Variants in SCARA5 observed in about 807,000 individuals in gnomAD.
The protein encoded by SCARA5 is scavenger receptor class A member 5.
In SCARA5, 45 loss-of-function variants were observed where a neutral mutation model predicts 46.3. The observed-to-expected ratio is 0.97, with a 90% CI of 0.76 to 1.24. The LOEUF (loss-of-function observed/expected upper bound fraction) is 1.24. Among genes scored for constraint, SCARA5 ranks in the 50% most tolerant of loss-of-function variants. The pLI is 0.00. For missense variants in SCARA5, 680 were observed against 689.0 expected (o/e 0.99, Z 0.15); for synonymous variants, 333 against 306.5 (o/e 1.09, Z -0.90).
intron 4 of SCARA5, 101 bp downstream of exon 4, chr8:27,921,470 G>C (rs1176985812): frequency 1.0e-6 from 1 of 968,688 alleles, no homozygotes; most frequent in Non-Finnish European, 1.5e-6. Context: ...CTTGGGGATG[G>C]GGTGGGGCTG....
At chr8:27,905,634 A>G (rs969765196) in intron 6 of SCARA5, among the ~76,000 whole-genome samples, 1 of 150,292 alleles carries the variant, frequency 6.7e-6, no homozygotes, top group Non-Finnish European at 1.5e-5. Flanking sequence ...AAAGAATAAG[A>G]GCTGGGGGAA....
At chr8:27,936,671 T>C (rs1414821592) in intron 3 of SCARA5, among the ~76,000 whole-genome samples, 1 of 146,028 alleles carries the variant, frequency 6.8e-6, no homozygotes, top group Non-Finnish European at 1.5e-5. Context: ...GCCCATCATC[T>C]GCAAATAAAC....
chr8:27,897,130 AG>A (rs1320435573), intron 7 of SCARA5, among the ~76,000 whole-genome samples: 7 of 151,620 alleles, frequency 4.6e-5, no homozygotes, highest in African/African-American at 1.7e-4. Context: ...ATCCAGCCCC[AG>A]GGGAAGTAAG....
In SCARA5 at chr8:27,912,492, T is replaced by C. The variant is rs114926427; in HGVS notation, c.917-2749A>G. Among the ~76,000 whole-genome samples, 1,204 of 152,306 alleles carry C rather than the reference T, an allele frequency of 7.9e-3. 18 individuals are homozygous for C. Among genetic ancestry groups the C allele is most frequent in the African/African-American group, 0.028 (1,148 of 41,568 alleles). On this transcript the variant is annotated intron_variant, in intron 4 of 8. Transcript: ENST00000354914. ...CCACATGATTGAGTTAGAGAACCTG[T>C]TGGAAACAGACCAAAGATGGCACAG...
intron 3 of SCARA5, among the ~76,000 whole-genome samples, chr8:27,925,007 A>T (rs1173864846): frequency 6.6e-6 from 1 of 152,250 alleles, no homozygotes; most frequent in Non-Finnish European, 1.5e-5. Context: ...CAAATGGAAG[A>T]ACATTCCATG....
intron 4 of SCARA5, among the ~76,000 whole-genome samples, chr8:27,916,793 T>C (rs2009809): frequency 0.55 from 83,442 of 152,014 alleles, 23,786 homozygotes; most frequent in Non-Finnish European, 0.63. Context: ...GCCCAAGCAC[T>C]GTCGAACTGT....
At chr8:27,989,129 C>CTTTTTTTTTTTTTTTTTTT (rs34929623) in intron 1 of SCARA5, among the ~76,000 whole-genome samples, 3 of 68,314 alleles carry the variant, frequency 4.4e-5, no homozygotes, top group African/African-American at 1.2e-4. Flanking sequence ...TTCTTTCTTT[C>CTTTTTTTTTTTTTTTTTTT]TTTTTTTTTT....
chr8:27,899,563 T>C (rs544797653), intron 7 of SCARA5, among the ~76,000 whole-genome samples: 2 of 152,314 alleles, frequency 1.3e-5, no homozygotes, highest in African/African-American at 4.8e-5. Flanking sequence ...GCATTGGTCA[T>C]GTGCAAAGGG....
intron 7 of SCARA5, 64 bp from the exon 8 acceptor site, chr8:27,879,830 T>G (rs1000071709): frequency 2.3e-5 from 35 of 1,517,622 alleles, no homozygotes; most frequent in African/African-American, 1.6e-4. Flanking sequence ...CCCAGGGGCC[T>G]TCTTTGACTC....
rs932531637 is a variant in SCARA5 at position 27,869,905 on chromosome 8, T to C, written c.*2029A>G. The C allele has an allele frequency of 6.6e-6, 1 of 152,228 alleles. No individual in the cohort carries two copies. The highest frequency in any genetic ancestry group is 2.4e-5 in the African/African-American group (1 of 41,462). 9.4% of individuals were successfully genotyped at this position (152,228 alleles called of 1,614,324 possible). A position where few individuals can be genotyped will look rare whatever the true frequency, so the allele number is the denominator to read the frequency against. The stretch of plus-strand genomic sequence containing the variant: ...AGCTTGTGACATGTTTTTTGCTTTA[T>C]TGAAATTCTTTCTTACAAAAGGTCT... On this transcript the variant is annotated 3_prime_UTR_variant, in exon 9 of 9. Coordinates refer to ENST00000354914, the MANE Select transcript of SCARA5 (RefSeq NM_173833.6).
Position 27,891,208 on chromosome 8 carries a change from TTG to T in SCARA5, c.1154-11444_1154-11443del, listed in dbSNP as rs371005924. 9.8e-3 allele frequency among the ~76,000 whole-genome samples: 736 copies of T among 75,350 alleles called. 12 individuals are homozygous for T. The highest frequency in any genetic ancestry group is 0.016 in the African/African-American group (460 of 29,350). 49.4% of individuals were successfully genotyped at this position (75,350 alleles called of 152,430 possible). On this transcript the variant is annotated intron_variant, in intron 7 of 8. Coordinates refer to ENST00000354914, the MANE Select transcript of SCARA5 (RefSeq NM_173833.6). ...GAACTACAATAGGTTTGTTTTTTTT[TTG>T]TTTTTTTTTTTAAATGGAGGAGTCT...
At chr8:27,933,996 G>C (rs1807817711) in intron 3 of SCARA5, among the ~76,000 whole-genome samples, 1 of 152,224 alleles carries the variant, frequency 6.6e-6, no homozygotes. Context: ...TCTGTTGTGG[G>C]ATGGTGGAAG....
intron 8 of SCARA5, among the ~76,000 whole-genome samples, chr8:27,874,055 CA>C (rs1265904562): frequency 5.3e-5 from 8 of 152,152 alleles, no homozygotes; most frequent in African/African-American, 1.4e-4. Flanking sequence ...CAAAACAAAA[CA>C]GCAAAAAACC....
intron 3 of SCARA5, among the ~76,000 whole-genome samples, chr8:27,933,057 T>C (rs1280104553): frequency 6.6e-6 from 1 of 152,206 alleles, no homozygotes; most frequent in Non-Finnish European, 1.5e-5. Context: ...GGGTTAGGGA[T>C]TCAACATGTG....
intron 7 of SCARA5, among the ~76,000 whole-genome samples, chr8:27,889,236 C>G (rs7009092): frequency 0.018 from 2,687 of 152,312 alleles, 87 homozygotes; most frequent in African/African-American, 0.06. Context: ...AGCATTTTCT[C>G]AGGATATCAC....
intron 2 of SCARA5, among the ~76,000 whole-genome samples, chr8:27,982,160 C>T (rs1417918445): frequency 2.6e-5 from 4 of 152,214 alleles, no homozygotes; most frequent in Non-Finnish European, 5.9e-5. Flanking sequence ...CCATGGATGA[C>T]GCCACGAGTG....
At chr8:27,947,168 C>T (rs968576281) in intron 3 of SCARA5, among the ~76,000 whole-genome samples, 7 of 152,120 alleles carry the variant, frequency 4.6e-5, no homozygotes, top group African/African-American at 9.7e-5. Context: ...TGCACTACCA[C>T]GTCCGGCTAC....
chr8:27,909,759 C>A lies in SCARA5; in HGVS notation c.917-16G>T, dbSNP rs58646328. 0.1 allele frequency: 158,492 copies of A among 1,537,504 alleles called. 10,191 individuals carry two copies. The highest frequency in any genetic ancestry group is 0.31 in the East Asian group (12,676 of 40,434). On this transcript the variant is annotated splice_polypyrimidine_tract_variant and intron_variant, in intron 4 of 8. Transcript: ENST00000354914. ...CCCGGTGGCCCTGGAAAGGCAAAAA[C>A]AGCACTGAGGTTAGGGGGCTCCCTT...
intron 8 of SCARA5, among the ~76,000 whole-genome samples, chr8:27,872,291 C>T (rs1302034882): frequency 1.3e-5 from 2 of 152,172 alleles, no homozygotes; most frequent in African/African-American, 2.4e-5. Context: ...ATGGTAGTAG[C>T]TACAAATATC....
Sources: gnomAD v4.1 joint callset for allele counts (sites outside exome capture counted in the v4.1 genomes callset) on GRCh38, gnomAD v4.1.1 for gene constraint, MANE v1.5 for transcripts, NCBI Gene and HGNC (gene_info 2026-07-23, HGNC 2026-07-21) for gene names.